Variants in STRN observed in about 807,000 individuals in gnomAD.
STRN encodes the protein striatin.
A neutral mutation model predicts 96.3 loss-of-function variants in STRN; 53 were observed. The ratio of observed to expected loss-of-function variants is 0.55; its 90% CI spans 0.44 to 0.69. The LOEUF (loss-of-function observed/expected upper bound fraction) is 0.69, where lower values mean the gene tolerates loss of function less well. Ranked by LOEUF, STRN falls within the 30% of genes least tolerant of loss-of-function variation. The pLI, the probability that STRN is intolerant of heterozygous loss-of-function variation, is 0.00. For synonymous variants in STRN, 428 were observed against 355.9 expected (o/e 1.20, Z -2.28); for missense variants, 987 against 963.9 (o/e 1.02, Z -0.32).
rs910600467 is a variant in STRN at position 36,842,512 on chromosome 2, G to A, written c.*6944C>T. ...GGCATCTGGACCACTCTTCACGTAA[G>A]GTGAATGGCTAAATCACCAAGGACA... is the stretch of plus-strand genomic sequence containing the variant. On this transcript the variant is annotated 3_prime_UTR_variant, in exon 18 of 18. Coordinates refer to ENST00000263918, the MANE Select transcript of STRN (RefSeq NM_003162.4). 8 of 152,134 alleles carry A rather than the reference G, an allele frequency of 5.3e-5. No individual in the cohort carries two copies. Among genetic ancestry groups the A allele is most frequent in the Non-Finnish European group, 1.0e-4 (7 of 68,020 alleles). 9.4% of individuals were successfully genotyped at this position (152,134 alleles called of 1,614,324 possible).
chr2:36,944,398 A>G (rs2148258226), intron 1 of STRN, among the ~76,000 whole-genome samples: 1 of 152,342 alleles, frequency 6.6e-6, no homozygotes, highest in Middle Eastern at 3.4e-3. Context: ...AATCTCATAT[A>G]AACAATTGAA....
At chr2:36,933,396 T>C (rs1284579914) in intron 1 of STRN, among the ~76,000 whole-genome samples, 1 of 152,184 alleles carries the variant, frequency 6.6e-6, no homozygotes, top group East Asian at 1.9e-4. Flanking sequence ...AAAGGATAAC[T>C]GTATATGTAC....
chr2:36,935,462 C>T (rs1484246515), intron 1 of STRN, among the ~76,000 whole-genome samples: 1 of 152,134 alleles, frequency 6.6e-6, no homozygotes, highest in African/African-American at 2.4e-5. Context: ...TAATTAATCT[C>T]ATTTAATTAG....
At chr2:36,940,709 C>T (rs1216063286) in intron 1 of STRN, among the ~76,000 whole-genome samples, 4 of 151,736 alleles carry the variant, frequency 2.6e-5, no homozygotes, top group African/African-American at 9.7e-5. Flanking sequence ...GGTGGCGGGG[C>T]GCCTGTAGTC....
intron 1 of STRN, among the ~76,000 whole-genome samples, chr2:36,962,211 G>A (rs756421666): frequency 1.3e-4 from 20 of 152,036 alleles, no homozygotes; most frequent in Non-Finnish European, 2.4e-4. Flanking sequence ...AATTATTAAT[G>A]CCAAAACCCA....
At chr2:36,956,124 G>C (rs1056894624) in intron 1 of STRN, among the ~76,000 whole-genome samples, 15 of 152,162 alleles carry the variant, frequency 9.9e-5, no homozygotes, top group Admixed American at 7.2e-4. Flanking sequence ...ACAGGACAAA[G>C]AGAATGTAAG....
chr2:36,882,322 T>C (rs528784331), intron 9 of STRN, among the ~76,000 whole-genome samples: 151 of 152,318 alleles, frequency 9.9e-4, no homozygotes, highest in Non-Finnish European at 1.6e-3. Flanking sequence ...TATTTAAAAA[T>C]ATACATTAAT....
At chr2:36,867,891 C>A (rs747465516) in intron 11 of STRN, 30 bp from the exon 12 acceptor site, 3 of 1,537,674 alleles carry the variant, frequency 2.0e-6, no homozygotes, top group East Asian at 4.6e-5. Flanking sequence ...CTTTACCATT[C>A]TAAGTGTCAG....
At chr2:36,931,860 G>A (rs145365350) in intron 1 of STRN, among the ~76,000 whole-genome samples, 5 of 152,264 alleles carry the variant, frequency 3.3e-5, no homozygotes, top group East Asian at 1.9e-4. Flanking sequence ...ACAGGGTCTC[G>A]CTCTGTTGCC....
chr2:36,902,868 A>ACCTGT, intron 4 of STRN, 117 bp from the exon 5 acceptor site: 1 of 761,836 alleles, frequency 1.3e-6, no homozygotes, highest in African/African-American at 1.8e-5. Context: ...ACAGTACAGT[A>ACCTGT]CTATGCTAGT....
intron 10 of STRN, among the ~76,000 whole-genome samples, chr2:36,873,860 T>C (rs555357162): frequency 2.0e-4 from 30 of 150,114 alleles, no homozygotes; most frequent in Admixed American, 4.6e-4. Context: ...GGAGAATTGC[T>C]TGAACCTGGG....
At chr2:36,919,298 T>C (rs895920672) in intron 2 of STRN, among the ~76,000 whole-genome samples, 1 of 152,136 alleles carries the variant, frequency 6.6e-6, no homozygotes, top group African/African-American at 2.4e-5. Flanking sequence ...CTAGCAAGTA[T>C]TACAAGAATG....
In STRN at chr2:36,869,593, A is replaced by C; in HGVS notation, c.1460T>G (p.Leu487Ter). ...TGTTTTCTGTAAATTCCACATTTTT[A>C]ATGTGTGATCCTCTGATGCTGTTAT... is the stretch of plus-strand genomic sequence containing the variant. ...VLITASEDHTLKMWNLQKTAP... is the reference protein window; with the variant it reads ...VLITASEDHT Residue 487 changes from leucine (L) to a stop codon, truncating the protein, a stop_gained, in exon 11 of 18, where the codon TTA (leucine) becomes TGA (stop). Transcript: ENST00000263918. LOFTEE classifies it high-confidence loss of function. The C allele has an allele frequency of 6.3e-7, 1 of 1,597,374 alleles. No homozygotes were observed.
At chr2:36,943,543 A>G (rs570272406) in intron 1 of STRN, among the ~76,000 whole-genome samples, 130 of 152,254 alleles carry the variant, frequency 8.5e-4, no homozygotes, top group African/African-American at 2.9e-3. Flanking sequence ...AGTGGCTCAC[A>G]CTTGTAATCC....
At chr2:36,855,051 T>C (rs1668309957) in intron 15 of STRN, among the ~76,000 whole-genome samples, 161 bp downstream of exon 15, 1 of 152,156 alleles carries the variant, frequency 6.6e-6, no homozygotes, top group African/African-American at 2.4e-5. Context: ...ACCCAAATTC[T>C]TAAAAGGTAA....
intron 3 of STRN, 91 bp from the exon 4 acceptor site, chr2:36,905,709 G>A: frequency 8.9e-7 from 1 of 1,120,556 alleles, no homozygotes; most frequent in Non-Finnish European, 1.4e-6. Context: ...ACATTTATAA[G>A]ATTAAGAATA....
chr2:36,942,328 T>A (rs13429524), intron 1 of STRN, among the ~76,000 whole-genome samples: 1 of 152,152 alleles, frequency 6.6e-6, no homozygotes, highest in Admixed American at 6.5e-5. Flanking sequence ...GCACCAGTCC[T>A]TGACTACCCA....
At chr2:36,880,737 G>GT (rs1354515966) in intron 9 of STRN, among the ~76,000 whole-genome samples, 1 of 152,158 alleles carries the variant, frequency 6.6e-6, no homozygotes, top group Non-Finnish European at 1.5e-5. Context: ...TCAGCCAGGT[G>GT]TTTTTTGTTT....
At chr2:36,959,277 T>C (rs1664971306) in intron 1 of STRN, among the ~76,000 whole-genome samples, 1 of 152,070 alleles carries the variant, frequency 6.6e-6, no homozygotes, top group Non-Finnish European at 1.5e-5. Context: ...TAAATAAGCA[T>C]CAGTGTGGCT....
Sources: allele counts gnomAD v4.1 joint callset (sites outside exome capture counted in the v4.1 genomes callset), GRCh38; gene constraint gnomAD v4.1.1; transcripts MANE v1.5; gene names NCBI Gene and HGNC (gene_info 2026-07-23, HGNC 2026-07-21).